Variants in GABRB3 observed in about 807,000 individuals in gnomAD.
GABRB3 encodes gamma-aminobutyric acid type A receptor subunit beta3.
GABRB3 carries 14 observed loss-of-function variants against 52.1 expected under a neutral mutation model. The observed-to-expected ratio is 0.27, with a 90% confidence interval of 0.18 to 0.42. GABRB3 has a LOEUF of 0.42. GABRB3 is among the 10% of genes least tolerant of loss of function. The probability of loss-of-function intolerance (pLI) is 1.00; values close to 1 mark genes in which losing one functional copy is unlikely to be tolerated. For missense variants in GABRB3, 307 were observed against 609.1 expected (o/e 0.50, Z 5.22); for synonymous variants, 260 against 232.3 (o/e 1.12, Z -1.08).
intron 3 of GABRB3, among the ~76,000 whole-genome samples, chr15:26,675,331 T>G (rs1020784206): frequency 5.9e-5 from 9 of 152,288 alleles, no homozygotes; most frequent in Non-Finnish European, 1.3e-4. Flanking sequence ...CCACCTTCTG[T>G]TCATTTCACA....
chr15:26,604,668 A>G (rs1891712512), intron 4 of GABRB3, among the ~76,000 whole-genome samples: 1 of 152,174 alleles, frequency 6.6e-6, no homozygotes, highest in South Asian at 2.1e-4. Context: ...ACTGGAAAAG[A>G]GGCAGTCTCT....
intron 3 of GABRB3, among the ~76,000 whole-genome samples, chr15:26,732,573 T>TAAA (rs1889960373): frequency 1.1e-5 from 1 of 93,306 alleles, no homozygotes; most frequent in African/African-American, 3.4e-5. Flanking sequence ...CCAAAAAAAT[T>TAAA]TTTTTTTTTT....
chr15:26,660,702 G>A (rs186729783), intron 3 of GABRB3, among the ~76,000 whole-genome samples: 3 of 152,266 alleles, frequency 2.0e-5, no homozygotes, highest in Non-Finnish European at 2.9e-5. Context: ...CGACTCTTGT[G>A]AGCCTCAGTT....
At chr15:26,683,304 G>A (rs1888295038) in intron 3 of GABRB3, among the ~76,000 whole-genome samples, 1 of 150,526 alleles carries the variant, frequency 6.6e-6, no homozygotes, top group African/African-American at 2.5e-5. Context: ...ACTTCCTCTA[G>A]GTATCTGAGG....
intron 3 of GABRB3, among the ~76,000 whole-genome samples, chr15:26,685,523 A>G (rs1673853080): frequency 6.6e-6 from 1 of 152,222 alleles, no homozygotes; most frequent in Admixed American, 6.5e-5. Context: ...GTTACCCCAT[A>G]TACGAGTACA....
intron 4 of GABRB3, among the ~76,000 whole-genome samples, chr15:26,617,528 G>A (rs1411017582): frequency 6.6e-6 from 1 of 152,056 alleles, no homozygotes; most frequent in Non-Finnish European, 1.5e-5. Context: ...AATAATAAGA[G>A]CTATCTATCA....
chr15:26,630,162 G>C (rs554119335), intron 3 of GABRB3, among the ~76,000 whole-genome samples: 1 of 152,252 alleles, frequency 6.6e-6, no homozygotes, highest in South Asian at 2.1e-4. Context: ...CCGGAGGTGA[G>C]GCTCTTTCCT....
chr15:26,694,053 A>C (rs1318201966), intron 3 of GABRB3, among the ~76,000 whole-genome samples: 1 of 152,172 alleles, frequency 6.6e-6, no homozygotes, highest in East Asian at 1.9e-4. Context: ...GTTTGAGAAC[A>C]GCCTGGGCAA....
At chr15:26,740,183 C>T (rs535754745) in intron 3 of GABRB3, among the ~76,000 whole-genome samples, 7 of 152,178 alleles carry the variant, frequency 4.6e-5, no homozygotes, top group African/African-American at 1.7e-4. Context: ...CTAGGCTTGG[C>T]GAGCAGGTAG....
chr15:26,607,879 T>C (rs1441131884), intron 4 of GABRB3, among the ~76,000 whole-genome samples: 3 of 152,062 alleles, frequency 2.0e-5, no homozygotes, highest in Non-Finnish European at 4.4e-5. Context: ...ATTATTAAAA[T>C]GTCCACATTA....
intron 3 of GABRB3, among the ~76,000 whole-genome samples, chr15:26,635,155 T>C (rs1345737576): frequency 6.6e-6 from 1 of 151,614 alleles, no homozygotes; most frequent in Non-Finnish European, 1.5e-5. Flanking sequence ...AGTGATATCA[T>C]TCTTCCAAAG....
chr15:26,760,018 C>T (rs560725693), intron 3 of GABRB3, among the ~76,000 whole-genome samples: 40 of 152,172 alleles, frequency 2.6e-4, no homozygotes, highest in Non-Finnish European at 2.5e-4. Flanking sequence ...AGCATGGATT[C>T]GGATGTTAAA....
chr15:26,768,399 G>A (rs940231016), intron 3 of GABRB3, among the ~76,000 whole-genome samples: 1 of 152,116 alleles, frequency 6.6e-6, no homozygotes, highest in Non-Finnish European at 1.5e-5. Context: ...CAAATTAACA[G>A]ATCAAACAAT....
chr15:26,574,629 G>A (rs1890526348), intron 6 of GABRB3, among the ~76,000 whole-genome samples: 1 of 152,132 alleles, frequency 6.6e-6, no homozygotes, highest in South Asian at 2.1e-4. Context: ...CCATGCAAGT[G>A]AAAGACCAGA....
rs201688227 is a variant in GABRB3 at position 26,596,274 on chromosome 15, A to AAC, written c.462-12862_462-12861dup. Among the ~76,000 whole-genome samples the AAC allele has an allele frequency of 2.0e-3, 298 of 152,342 alleles. 6 individuals carry two copies. In the East Asian group the frequency reaches 0.036, roughly 19 times the overall value. ...AAATAGATATTTCTTGATACGAACA[A>AAC]ACAGTTATAAATGAAAAAGGGAATA... On this transcript the variant is annotated intron_variant, in intron 4 of 8. Coordinates refer to ENST00000311550, the MANE Select transcript of GABRB3 (RefSeq NM_000814.6).
intron 3 of GABRB3, among the ~76,000 whole-genome samples, chr15:26,752,126 C>G (rs1052600919): frequency 2.6e-5 from 4 of 152,154 alleles, no homozygotes; most frequent in Non-Finnish European, 4.4e-5. Flanking sequence ...CTGGTTCTCC[C>G]TGTAACCACA....
At position 26,548,038 on chromosome 15, in the gene GABRB3, T is replaced by C. The variant is rs376621773; in HGVS notation, c.1177A>G (p.Ile393Val). 8 of 1,614,170 alleles carry C rather than the reference T, an allele frequency of 5.0e-6. No individual in the cohort carries two copies. The highest frequency in any genetic ancestry group is 2.7e-5 in the African/African-American group (2 of 75,042). Residue 393 changes from isoleucine to valine, a missense_variant, in exon 9 of 9, where the codon ATA becomes GTA. Physicochemically the swap from Ile to Val is conservative, Grantham distance 29. Around this residue, in one of 6 missense-constraint regions of GABRB3, gnomAD observed 115 missense variants for 166.9 expected, o/e 0.69. Coordinates refer to ENST00000311550, the MANE Select transcript of GABRB3 (RefSeq NM_000814.6). Reference sequence around the variant, plus strand: ...TGGATTCCTGAGTTGTCAAAGGATATTGCTGAATTCCTGGTATCGCCAATG... The same window carrying C: ...TGGATTCCTGAGTTGTCAAAGGATACTGCTGAATTCCTGGTATCGCCAATG... ...GGIGDTRNSA[I>V]SFDNSGIQYR... is the part of the protein sequence containing the mutation.
intron 4 of GABRB3, among the ~76,000 whole-genome samples, chr15:26,592,689 T>C (rs4147338): frequency 1 from 152,307 of 152,312 alleles, 76,151 homozygotes; most frequent in Middle Eastern, 1. Context: ...AATCCTTTAA[T>C]GGCATGGAAA....
rs552869212 is a variant in GABRB3 at position 26,756,338 on chromosome 15, G to A, written c.240+16064C>T. On this transcript the variant is annotated intron_variant, in intron 3 of 8. Coordinates refer to ENST00000311550, the MANE Select transcript of GABRB3 (RefSeq NM_000814.6). ...TAATCCCAGCACTTGGGGAAACCGA[G>A]GCGGGTGGATCACGAGCCCAGGAGT... Among the ~76,000 whole-genome samples the A allele has an allele frequency of 3.9e-5, 6 of 151,958 alleles. No individual in the cohort carries two copies. The South Asian group carries it at 1.2e-3, about 32-fold the overall frequency.
Sources: allele counts gnomAD v4.1 joint callset (sites outside exome capture counted in the v4.1 genomes callset), GRCh38; gene constraint gnomAD v4.1.1; regional missense constraint gnomAD v4.1.1; transcripts MANE v1.5; gene names NCBI Gene and HGNC (gene_info 2026-07-23, HGNC 2026-07-21).